The following GATAD2B variants were observed in gnomAD, a reference collection of about 807,000 sequenced individuals.
GATAD2B encodes the protein GATA zinc finger domain containing 2B.
Under a neutral mutation model 64.3 loss-of-function variants are expected in GATAD2B, and 8 were observed. The observed-to-expected ratio is 0.12, with a 90% CI of 0.07 to 0.22. The LOEUF (loss-of-function observed/expected upper bound fraction) is 0.22, where lower values mean the gene tolerates loss of function less well. Ranked by LOEUF, GATAD2B falls within the 10% of genes least tolerant of loss-of-function variation. GATAD2B has a pLI of 1.00. For missense variants in GATAD2B, 453 were observed against 752.0 expected (o/e 0.60, Z 4.65); for synonymous variants, 281 against 271.3 (o/e 1.04, Z -0.35).
chr1:153,904,504 T>G (rs1378451070), intron 1 of GATAD2B, among the ~76,000 whole-genome samples: 1 of 152,106 alleles, frequency 6.6e-6, no homozygotes, highest in Admixed American at 6.6e-5. Context: ...AAATGATTCA[T>G]TTATAAGAGC....
chr1:153,913,327 T>C (rs1414652873), intron 1 of GATAD2B, among the ~76,000 whole-genome samples: 1 of 152,196 alleles, frequency 6.6e-6, no homozygotes, highest in African/African-American at 2.4e-5. Flanking sequence ...CCTTTTCTCC[T>C]CTGATCCCCA....
chr1:153,875,621 A>T (rs1488173143), intron 1 of GATAD2B, among the ~76,000 whole-genome samples: 3 of 147,946 alleles, frequency 2.0e-5, no homozygotes, highest in Non-Finnish European at 4.5e-5. Context: ...AACAAGCAGC[A>T]GCTATAGTTT....
intron 1 of GATAD2B, among the ~76,000 whole-genome samples, chr1:153,829,663 A>G (rs1228682426): frequency 6.6e-6 from 1 of 152,080 alleles, no homozygotes; most frequent in Admixed American, 6.6e-5. Flanking sequence ...TTGAACCCAG[A>G]AGGCAGAGGC....
At chr1:153,890,251 AG>A (rs1436177122) in intron 1 of GATAD2B, among the ~76,000 whole-genome samples, 1 of 151,596 alleles carries the variant, frequency 6.6e-6, no homozygotes, top group Non-Finnish European at 1.5e-5. Flanking sequence ...ACACTATGGG[AG>A]GCCGAGGCGA....
intron 2 of GATAD2B, among the ~76,000 whole-genome samples, chr1:153,823,234 A>T (rs1276402550): frequency 6.6e-6 from 1 of 152,150 alleles, no homozygotes; most frequent in Non-Finnish European, 1.5e-5. Flanking sequence ...CCTATTAGAG[A>T]GATATTATTA....
At chr1:153,882,958 G>C (rs1677053442) in intron 1 of GATAD2B, among the ~76,000 whole-genome samples, 1 of 152,162 alleles carries the variant, frequency 6.6e-6, no homozygotes, top group African/African-American at 2.4e-5. Flanking sequence ...TTTTCTTGGA[G>C]ATCTATTGGC....
chr1:153,870,926 T>TC (rs1676645800), intron 1 of GATAD2B, among the ~76,000 whole-genome samples: 1 of 152,128 alleles, frequency 6.6e-6, no homozygotes, highest in Non-Finnish European at 1.5e-5. Flanking sequence ...TTTTTGTTTT[T>TC]CCCCAAGACG....
At chr1:153,901,973 C>A (rs1002610508) in intron 1 of GATAD2B, among the ~76,000 whole-genome samples, 1 of 133,088 alleles carries the variant, frequency 7.5e-6, no homozygotes, top group Non-Finnish European at 1.6e-5. Context: ...AATCAGACTC[C>A]GTCTCAAAAA....
intron 1 of GATAD2B, among the ~76,000 whole-genome samples, chr1:153,895,191 G>T (rs947672165): frequency 6.6e-6 from 1 of 152,042 alleles, no homozygotes; most frequent in African/African-American, 2.4e-5. Context: ...AGTTAGCTGG[G>T]CGTGGTGGAA....
chr1:153,811,807 T>C lies in GATAD2B; in HGVS notation c.1572A>G (p.Thr524=). The change falls in exon 10 of 11, where the codon ACA becomes ACG. Residue 524 remains threonine, a synonymous_variant. Transcript: ENST00000368655. ...AGTTTGAAAGCATGGAGCGGGCAGA[T>C]GTGGGTATGCCACGCTGGAGGCTGC... is the stretch of plus-strand genomic sequence containing the variant. ...PQSSLQRGIP[T]SARSMLSNFA... is the part of the protein sequence containing the mutation. The C allele has an allele frequency of 6.2e-7, 1 of 1,613,104 alleles. No individual in the cohort carries two copies. Among genetic ancestry groups the C allele is most frequent in the Non-Finnish European group, 8.5e-7 (1 of 1,179,636 alleles).
At chr1:153,864,117 T>TAC (rs1200982282) in intron 1 of GATAD2B, among the ~76,000 whole-genome samples, 1 of 152,176 alleles carries the variant, frequency 6.6e-6, no homozygotes, top group African/African-American at 2.4e-5. Flanking sequence ...CTCAAATTTG[T>TAC]ACACACACAC....
At chr1:153,815,101 A>AAAAAAAAAAAAAAAAAAC (rs1674415156) in intron 7 of GATAD2B, among the ~76,000 whole-genome samples, 2 of 144,124 alleles carry the variant, frequency 1.4e-5, no homozygotes, top group Non-Finnish European at 3.1e-5. Flanking sequence ...AAAAAAAAAA[A>AAAAAAAAAAAAAAAAAAC]AAAAAAAAAA....
intron 1 of GATAD2B, chr1:153,886,351 T>C (rs1261398537): frequency 6.6e-6 from 1 of 152,128 alleles, no homozygotes; most frequent in East Asian, 1.9e-4. Context: ...CTGGCAATTA[T>C]AACACAATGG....
chr1:153,877,995 G>C (rs1267382976), intron 1 of GATAD2B, among the ~76,000 whole-genome samples: 2 of 151,558 alleles, frequency 1.3e-5, no homozygotes, highest in African/African-American at 4.9e-5. Flanking sequence ...AGTTTGGTCT[G>C]TTGCTATTTT....
At position 153,833,978 on chromosome 1, in the gene GATAD2B, C is replaced by CTT. The variant is rs145273439; in HGVS notation, c.-1-5632_-1-5631dup. ...ACACAGTAAGACCCTGTCTCTCTCT[C>CTT]TTTTTTTTTATGTTTTTTTTTGGTT... On this transcript the variant is annotated intron_variant, in intron 1 of 10. Coordinates refer to ENST00000368655, the MANE Select transcript of GATAD2B (RefSeq NM_020699.4). 1.0e-4 allele frequency among the ~76,000 whole-genome samples: 15 copies of CTT among 149,974 alleles called. No homozygotes were observed. In the South Asian group the frequency reaches 2.1e-3, roughly 21 times the overall value.
At chr1:153,912,750 A>T (rs961599260) in intron 1 of GATAD2B, among the ~76,000 whole-genome samples, 1 of 152,174 alleles carries the variant, frequency 6.6e-6, no homozygotes, top group Non-Finnish European at 1.5e-5. Flanking sequence ...CTAGATAAAA[A>T]GTTTGGAATC....
intron 1 of GATAD2B, among the ~76,000 whole-genome samples, chr1:153,901,184 A>ACTAT (rs1385431616): frequency 6.6e-6 from 1 of 151,712 alleles, no homozygotes; most frequent in Non-Finnish European, 1.5e-5. Context: ...ACTGAACTCC[A>ACTAT]GCCTGGGCAA....
In GATAD2B at chr1:153,828,036, A is replaced by G; in HGVS notation, c.312T>C (p.Pro104=). Residue 104 remains proline (P), a synonymous_variant, in exon 2 of 11, where the codon CCT becomes CCC. Transcript: ENST00000368655. ...ACCTCCGTCTAGCACTCATATCCACAGGCTCATCATTGATGTTTTCTTTGC... is the reference window on the plus strand; with the variant it reads ...ACCTCCGTCTAGCACTCATATCCACGGGCTCATCATTGATGTTTTCTTTGC... ...RPGKENINDE[P]VDMSARRSEP... 1 of 1,614,014 alleles carries G rather than the reference A, an allele frequency of 6.2e-7. No homozygotes were observed.
chr1:153,822,738 C>A (rs1570933313), intron 2 of GATAD2B, among the ~76,000 whole-genome samples: 1 of 152,270 alleles, frequency 6.6e-6, no homozygotes, highest in South Asian at 2.1e-4. Context: ...ACCTCGTGAT[C>A]CGCCCGCCTC....
Sources: gnomAD v4.1 joint callset for allele counts (sites outside exome capture counted in the v4.1 genomes callset) on GRCh38, gnomAD v4.1.1 for gene constraint, MANE v1.5 for transcripts, NCBI Gene and HGNC (gene_info 2026-07-23, HGNC 2026-07-21) for gene names.